Variants in KLF7 observed in about 807,000 individuals in gnomAD.
The protein encoded by KLF7 is Krueppel-like factor 7.
A neutral mutation model predicts 27.3 loss-of-function variants in KLF7; 2 were observed. The ratio of observed to expected loss-of-function variants is 0.07; its 90% CI spans 0.03 to 0.23. The LOEUF is 0.23. Ranked by LOEUF, KLF7 falls within the 10% of genes least tolerant of loss-of-function variation. KLF7 has a pLI of 1.00. For synonymous variants in KLF7, 165 were observed against 162.4 expected (o/e 1.02, Z -0.12); for missense variants, 221 against 394.1 (o/e 0.56, Z 3.72).
upstream of KLF7, chr2:207,166,981 C>T (rs1254454755): frequency 2.4e-6 from 2 of 823,848 alleles, no homozygotes; most frequent in African/African-American, 3.6e-5. Context: ...CCTTCTGACC[C>T]CGAGCGAGAG....
In KLF7 at chr2:207,162,598, T is replaced by A. The variant is rs185028892; in HGVS notation, c.102+2869A>T. The stretch of plus-strand genomic sequence containing the variant: ...AAGGCATCATTGCCAGAAAATCCAA[T>A]GTCAAAACGAGGATCTCCGTGACGA... On this transcript the variant is annotated intron_variant, in intron 1 of 3. Coordinates refer to ENST00000309446, the MANE Select transcript of KLF7 (RefSeq NM_003709.4). Among the ~76,000 whole-genome samples, 6 of 152,320 alleles carry A rather than the reference T, an allele frequency of 3.9e-5. No individual in the cohort carries two copies. In the South Asian group the frequency reaches 6.2e-4, roughly 16 times the overall value.
At chr2:207,160,399 A>G (rs1304960044) in intron 1 of KLF7, among the ~76,000 whole-genome samples, 4 of 152,200 alleles carry the variant, frequency 2.6e-5, no homozygotes, top group Non-Finnish European at 4.4e-5. Context: ...GCTAACTGAT[A>G]TATCGAGTGA....
rs2076264425 is a variant in KLF7 at position 207,081,268 on chromosome 2, G to A, written c.858-4C>T. On this transcript the variant is annotated splice_region_variant and splice_polypyrimidine_tract_variant and intron_variant, in intron 3 of 3. Transcript: ENST00000309446. Reference sequence around the variant, plus strand: ...ATGGTCAGACCTGGAAAAACACCTAGGAGATATAAACAACAAGGATATTAG... The same window carrying A: ...ATGGTCAGACCTGGAAAAACACCTAAGAGATATAAACAACAAGGATATTAG... The A allele has an allele frequency of 2.5e-6, 4 of 1,612,698 alleles. No homozygotes were observed. Among genetic ancestry groups the A allele is most frequent in the African/African-American group, 1.3e-5 (1 of 74,850 alleles).
chr2:207,144,845 T>C (rs2078052097), intron 1 of KLF7, among the ~76,000 whole-genome samples: 1 of 152,228 alleles, frequency 6.6e-6, no homozygotes, highest in Non-Finnish European at 1.5e-5. Flanking sequence ...ATTCTGGCGT[T>C]TGATTCTAGA....
intron 2 of KLF7, among the ~76,000 whole-genome samples, chr2:207,112,638 G>C (rs2077068524): frequency 1.3e-5 from 2 of 152,182 alleles, no homozygotes; most frequent in African/African-American, 2.4e-5. Flanking sequence ...TCTTCAAGGG[G>C]CCCCAATTTA....
intron 1 of KLF7, among the ~76,000 whole-genome samples, chr2:207,130,442 T>G (rs1384663939): frequency 6.6e-6 from 1 of 152,248 alleles, no homozygotes; most frequent in Non-Finnish European, 1.5e-5. Flanking sequence ...CAATGATATT[T>G]CTTATACCAT....
chr2:207,123,681 G>C, intron 2 of KLF7, 93 bp downstream of exon 2: 1 of 1,373,538 alleles, frequency 7.3e-7, no homozygotes, highest in Non-Finnish European at 1.0e-6. Flanking sequence ...ATCAGCAGGG[G>C]TGCCACTCCT....
chr2:207,113,630 A>G (rs1386934211), intron 2 of KLF7, among the ~76,000 whole-genome samples: 1 of 140,942 alleles, frequency 7.1e-6, no homozygotes, highest in Non-Finnish European at 1.5e-5. Context: ...GAAATGATGC[A>G]GTTACCTAGC....
At chr2:207,100,746 T>C (rs545837208) in intron 2 of KLF7, among the ~76,000 whole-genome samples, 153 of 152,332 alleles carry the variant, frequency 1.0e-3, no homozygotes, top group African/African-American at 3.2e-3. Context: ...GCCAGTTATT[T>C]ACTATTTCCT....
intron 1 of KLF7, among the ~76,000 whole-genome samples, chr2:207,143,370 G>C (rs2077998106): frequency 6.8e-6 from 1 of 147,324 alleles, no homozygotes; most frequent in Admixed American, 6.8e-5. Context: ...AAGAAAATGA[G>C]GAAGAGGAAC....
chr2:207,105,426 G>C (rs62188619), intron 2 of KLF7, among the ~76,000 whole-genome samples: 12,567 of 152,210 alleles, frequency 0.083, 655 homozygotes, highest in Non-Finnish European at 0.12. Flanking sequence ...CTTAGGGAGG[G>C]GAACATGGAA....
intron 1 of KLF7, among the ~76,000 whole-genome samples, chr2:207,146,019 T>C (rs1459344363): frequency 6.6e-6 from 1 of 152,234 alleles, no homozygotes; most frequent in Non-Finnish European, 1.5e-5. Context: ...TGAACGAGTG[T>C]GACCATTCTA....
chr2:207,081,120 G>T lies in KLF7; in HGVS notation c.*93C>A. On this transcript the variant is annotated 3_prime_UTR_variant, in exon 4 of 4. Coordinates refer to ENST00000309446, the MANE Select transcript of KLF7 (RefSeq NM_003709.4). ...ATAAGTGAGAACTTTCTTCTGCGAG[G>T]CAATGGGTCCCCGCCTGAAGTCCAG... is the stretch of plus-strand genomic sequence containing the variant. The T allele has an allele frequency of 9.6e-7, 1 of 1,045,078 alleles. No individual in the cohort carries two copies. Among genetic ancestry groups the T allele is most frequent in the Non-Finnish European group, 1.5e-6 (1 of 665,028 alleles). 64.7% of individuals were successfully genotyped at this position (1,045,078 alleles called of 1,614,324 possible).
At chr2:207,150,800 C>T (rs1035014054) in intron 1 of KLF7, among the ~76,000 whole-genome samples, 5 of 152,064 alleles carry the variant, frequency 3.3e-5, no homozygotes, top group African/African-American at 1.2e-4. Context: ...AATCATTCCC[C>T]TATTGTTTTC....
chr2:207,151,381 C>T (rs1331898654), intron 1 of KLF7, among the ~76,000 whole-genome samples: 4 of 151,336 alleles, frequency 2.6e-5, no homozygotes, highest in Non-Finnish European at 5.9e-5. Flanking sequence ...GCCAGTTATC[C>T]GCAAATTGAG....
At chr2:207,167,059 G>A (rs2078737394), upstream of KLF7, 1 of 1,254,184 alleles carries the variant, frequency 8.0e-7, no homozygotes, top group Non-Finnish European at 1.0e-6. Flanking sequence ...GCGTTAAAGA[G>A]GCTAGAGGGA....
chr2:207,142,961 T>C (rs565303846), intron 1 of KLF7, among the ~76,000 whole-genome samples: 8 of 152,284 alleles, frequency 5.3e-5, no homozygotes, highest in African/African-American at 1.9e-4. Context: ...CAGGGAAAGA[T>C]TAAAGAGCTC....
intron 2 of KLF7, among the ~76,000 whole-genome samples, chr2:207,094,414 G>A (rs926004645): frequency 3.3e-5 from 5 of 152,066 alleles, no homozygotes; most frequent in Non-Finnish European, 7.4e-5. Context: ...CTAGTCTCTT[G>A]AGGACTTGGA....
At position 207,165,691 on chromosome 2, in the gene KLF7, G is replaced by T; in HGVS notation, c.-123C>A. 1 of 1,509,242 alleles carries T rather than the reference G, an allele frequency of 6.6e-7. No homozygotes were observed. The allele number at this position is 1,509,242 out of a possible 1,614,324, so 93.5% of individuals were successfully genotyped here. A position where few individuals can be genotyped will look rare whatever the true frequency, so the allele number is the denominator to read the frequency against. ...AGACATCCAGTGGCCCTTTTGTTTT[G>T]TTTTGTTTCAGTCAACTAAAAAGGA... On this transcript the variant is annotated 5_prime_UTR_variant, in exon 1 of 4. Coordinates refer to ENST00000309446, the MANE Select transcript of KLF7 (RefSeq NM_003709.4).
Sources: gnomAD v4.1 joint callset for allele counts (sites outside exome capture counted in the v4.1 genomes callset) on GRCh38, gnomAD v4.1.1 for gene constraint, MANE v1.5 for transcripts, NCBI Gene and HGNC (gene_info 2026-07-23, HGNC 2026-07-21) for gene names.